THSD4: variants seen among roughly 807,000 people sequenced by gnomAD.
THSD4 encodes thrombospondin type 1 domain containing 4.
A neutral mutation model predicts 119.0 loss-of-function variants in THSD4; 69 were observed. The observed-to-expected ratio is 0.58, with a 90% confidence interval of 0.48 to 0.71. The LOEUF (loss-of-function observed/expected upper bound fraction) is 0.71, where lower values mean the gene tolerates loss of function less well. Among genes scored for constraint, THSD4 ranks in the 30% least tolerant of loss-of-function variants. The pLI is 0.00. For synonymous variants in THSD4, 524 were observed against 540.4 expected (o/e 0.97, Z 0.42); for missense variants, 1,393 against 1,391.1 (o/e 1.00, Z -0.02).
intron 14 of THSD4, among the ~76,000 whole-genome samples, chr15:71,753,432 G>T (rs1056818122): frequency 6.6e-6 from 1 of 152,188 alleles, no homozygotes; most frequent in Non-Finnish European, 1.5e-5. Flanking sequence ...TATAAGAAAT[G>T]ATGCATAAAG....
intron 3 of THSD4, among the ~76,000 whole-genome samples, chr15:71,159,868 G>A (rs2043234958): frequency 1.3e-5 from 2 of 152,138 alleles, no homozygotes; most frequent in East Asian, 1.9e-4. Context: ...TGTTCTTAGA[G>A]GAAAAGGTGA....
chr15:71,174,868 C>A (rs1452237376), intron 3 of THSD4, among the ~76,000 whole-genome samples: 1 of 151,200 alleles, frequency 6.6e-6, no homozygotes, highest in East Asian at 2.0e-4. Flanking sequence ...CACCCCCCAG[C>A]AGGGGCACAC....
intron 7 of THSD4, among the ~76,000 whole-genome samples, chr15:71,484,206 C>T (rs577502036): frequency 1.5e-4 from 23 of 152,256 alleles, no homozygotes; most frequent in African/African-American, 3.1e-4. Flanking sequence ...CTCTGACCAT[C>T]GGGAAACTTC....
At chr15:71,186,031 T>G (rs1453724043) in intron 3 of THSD4, 1 of 152,250 alleles carries the variant, frequency 6.6e-6, no homozygotes, top group East Asian at 1.9e-4. Context: ...TTTTTAATCC[T>G]GGCAACAACT....
chr15:71,501,757 T>G (rs2048115918), intron 7 of THSD4, among the ~76,000 whole-genome samples: 1 of 152,254 alleles, frequency 6.6e-6, no homozygotes, highest in South Asian at 2.1e-4. Context: ...CATCATGACC[T>G]CTCAATTGTT....
chr15:71,273,949 A>G (rs2044561571), intron 6 of THSD4, among the ~76,000 whole-genome samples: 2 of 152,238 alleles, frequency 1.3e-5, no homozygotes, highest in Non-Finnish European at 2.9e-5. Flanking sequence ...CCAGGTGGAC[A>G]GAACTCACAG....
At chr15:71,587,141 GT>G (rs1360845536) in intron 7 of THSD4, among the ~76,000 whole-genome samples, 2 of 144,468 alleles carry the variant, frequency 1.4e-5, no homozygotes, top group Admixed American at 1.4e-4. Context: ...TGGAGAGGAT[GT>G]GGAGAAATAG....
intron 8 of THSD4, among the ~76,000 whole-genome samples, chr15:71,697,273 T>A (rs189029477): frequency 8.7e-4 from 132 of 152,014 alleles, no homozygotes; most frequent in Non-Finnish European, 1.5e-3. Flanking sequence ...TGAGATGATG[T>A]AATGGAAAGG....
At chr15:71,442,237 C>G (rs1391592338) in intron 7 of THSD4, among the ~76,000 whole-genome samples, 1 of 151,784 alleles carries the variant, frequency 6.6e-6, no homozygotes, top group East Asian at 2.0e-4. Flanking sequence ...GGATTACAGA[C>G]ATGAGCCACC....
chr15:71,414,140 T>TC, intron 7 of THSD4, among the ~76,000 whole-genome samples: 1 of 152,340 alleles, frequency 6.6e-6, no homozygotes, highest in Non-Finnish European at 1.5e-5. Context: ...TTACTTAAGC[T>TC]CTCTGTGCTT....
In THSD4 at chr15:71,654,510, C is replaced by T. The variant is rs1595832398; in HGVS notation, c.1153-6020C>T. On this transcript the variant is annotated intron_variant, in intron 7 of 17. Coordinates refer to ENST00000261862, the MANE Select transcript of THSD4 (RefSeq NM_024817.3). ...GTTGGCCTGATTTCTTATTTCCTGG[C>T]ATAAATTCCTAGAAGAAGAATTTAC... Among the ~76,000 whole-genome samples, 3 of 152,212 alleles carry T rather than the reference C, an allele frequency of 2.0e-5. No homozygotes were observed. In the East Asian group the frequency reaches 5.8e-4, roughly 29 times the overall value.
At position 71,543,533 on chromosome 15, in the gene THSD4, G is replaced by A. The variant is rs545688409; in HGVS notation, c.1153-116997G>A. On this transcript the variant is annotated intron_variant, in intron 7 of 17. Coordinates refer to ENST00000261862, the MANE Select transcript of THSD4 (RefSeq NM_024817.3). ...AGGGAGTGGGAAGACCCTGTTGTCA[G>A]CCCCTGGGAATTATATGGATAATGA... Among the ~76,000 whole-genome samples the A allele has an allele frequency of 5.3e-5, 8 of 152,302 alleles. No individual in the cohort carries two copies. In the South Asian group the frequency reaches 1.2e-3, roughly 24 times the overall value.
chr15:71,233,477 A>T (rs997091395), intron 4 of THSD4, among the ~76,000 whole-genome samples: 3 of 151,788 alleles, frequency 2.0e-5, no homozygotes, highest in African/African-American at 7.3e-5. Flanking sequence ...TTTTTTCTTT[A>T]AAAAAAACAC....
chr15:71,669,797 G>A (rs2051486873), intron 8 of THSD4, among the ~76,000 whole-genome samples: 1 of 152,162 alleles, frequency 6.6e-6, no homozygotes, highest in Non-Finnish European at 1.5e-5. Context: ...AGTCAGGCAG[G>A]TTTCCTCTGA....
Position 71,547,464 on chromosome 15 carries a change from G to A in THSD4, c.1153-113066G>A, listed in dbSNP as rs117286812. ...GCTCCACGTTCAAACAGCAGTGTTA[G>A]CAAGACCTGGGGGAGAGGTAAGCCA... On this transcript the variant is annotated intron_variant, in intron 7 of 17. Coordinates refer to ENST00000261862, the MANE Select transcript of THSD4 (RefSeq NM_024817.3). The A allele has an allele frequency of 6.1e-3, 9,490 of 1,550,422 alleles. 45 individuals are homozygous for A. The highest frequency in any genetic ancestry group is 7.4e-3 in the Non-Finnish European group (8,470 of 1,146,912).
Position 71,228,972 on chromosome 15 carries a change from T to A in THSD4, c.464+13573T>A, listed in dbSNP as rs149952470. On this transcript the variant is annotated intron_variant, in intron 4 of 17. Coordinates refer to ENST00000261862, the MANE Select transcript of THSD4 (RefSeq NM_024817.3). ...TCATTGTGGGCTAGTGCTGAAAACG[T>A]TTCCTTTCTCAATTTGGGGGGAAAC... 4.6e-5 allele frequency among the ~76,000 whole-genome samples: 7 copies of A among 152,348 alleles called. No individual in the cohort carries two copies. In the East Asian group the frequency reaches 1.3e-3, roughly 29 times the overall value.
At chr15:71,387,718 T>C (rs750295269) in intron 6 of THSD4, among the ~76,000 whole-genome samples, 4 of 152,328 alleles carry the variant, frequency 2.6e-5, no homozygotes, top group Non-Finnish European at 5.9e-5. Context: ...TGATTGTAAG[T>C]ATATACAACA....
intron 6 of THSD4, among the ~76,000 whole-genome samples, chr15:71,270,696 G>C (rs1422576827): frequency 1.3e-5 from 2 of 152,124 alleles, no homozygotes; most frequent in African/African-American, 2.4e-5. Context: ...CCAAGAAAAG[G>C]GTTTCCAGAA....
intron 2 of THSD4, among the ~76,000 whole-genome samples, chr15:71,154,032 T>A (rs1026823051): frequency 6.6e-6 from 1 of 152,200 alleles, no homozygotes; most frequent in African/African-American, 2.4e-5. Flanking sequence ...CCTGGTCAGC[T>A]CTACTCCTTC....
Sources: allele counts gnomAD v4.1 joint callset (sites outside exome capture counted in the v4.1 genomes callset), GRCh38; gene constraint gnomAD v4.1.1; transcripts MANE v1.5; gene names NCBI Gene and HGNC (gene_info 2026-07-23, HGNC 2026-07-21).